EPHA6: variants seen among roughly 807,000 people sequenced by gnomAD.
EPHA6 encodes the protein ephrin type-A receptor 6.
Under a neutral mutation model 112.0 loss-of-function variants are expected in EPHA6, and 50 were observed. That is an observed-to-expected ratio of 0.45 (90% CI 0.36 to 0.56). The LOEUF (loss-of-function observed/expected upper bound fraction) is 0.56. Ranked by LOEUF, EPHA6 falls within the 20% of genes least tolerant of loss-of-function variation. The pLI, the probability that EPHA6 is intolerant of heterozygous loss-of-function variation, is 0.00. For missense variants in EPHA6, 1,280 were observed against 1,417.4 expected (o/e 0.90, Z 1.56); for synonymous variants, 529 against 490.7 (o/e 1.08, Z -1.03).
In EPHA6 at chr3:97,284,225, G is replaced by A. The variant is rs187023519; in HGVS notation, c.1606+39938G>A. ...ATAGTCAATACTTCTTTCTAAACTA[G>A]ATATTTGATTCTTATTGTTTTACTA... On this transcript the variant is annotated intron_variant, in intron 5 of 17. Transcript: ENST00000389672. 2.0e-3 allele frequency among the ~76,000 whole-genome samples: 298 copies of A among 152,156 alleles called. 1 individual carries two copies. Among genetic ancestry groups the A allele is most frequent in the Middle Eastern group, 6.8e-3 (2 of 292 alleles).
intron 11 of EPHA6, among the ~76,000 whole-genome samples, chr3:97,559,407 A>T (rs1400472686): frequency 6.6e-6 from 1 of 152,026 alleles, no homozygotes; most frequent in Non-Finnish European, 1.5e-5. Context: ...CCAGAAAGGC[A>T]GGACATACAG....
chr3:96,846,692 A>G (rs1416430307), intron 1 of EPHA6, among the ~76,000 whole-genome samples: 1 of 152,058 alleles, frequency 6.6e-6, no homozygotes, highest in East Asian at 1.9e-4. Context: ...AAAAAAATGA[A>G]CTTAGAATAA....
intron 6 of EPHA6, chr3:97,441,400 TA>T: frequency 1.0e-6 from 1 of 952,954 alleles, no homozygotes; most frequent in Non-Finnish European, 1.2e-6. Flanking sequence ...TTTCACATTT[TA>T]AAAACAAAAT....
intron 11 of EPHA6, among the ~76,000 whole-genome samples, chr3:97,570,142 T>C (rs2093317864): frequency 6.6e-6 from 1 of 152,210 alleles, no homozygotes; most frequent in Non-Finnish European, 1.5e-5. Context: ...CTACATACAA[T>C]TTTGTTTTAC....
At chr3:97,207,474 A>G (rs1416887391) in intron 3 of EPHA6, among the ~76,000 whole-genome samples, 1 of 152,168 alleles carries the variant, frequency 6.6e-6, no homozygotes, top group African/African-American at 2.4e-5. Context: ...AACAGAGAGG[A>G]GAGACAAGTT....
intron 13 of EPHA6, among the ~76,000 whole-genome samples, chr3:97,627,616 A>G (rs181165133): frequency 2.0e-5 from 3 of 151,998 alleles, no homozygotes; most frequent in Admixed American, 1.3e-4. Flanking sequence ...TATGCATGTT[A>G]TCCCTTCACA....
chr3:97,451,295 A>G (rs2090521292), intron 7 of EPHA6, among the ~76,000 whole-genome samples: 1 of 151,978 alleles, frequency 6.6e-6, no homozygotes, highest in African/African-American at 2.4e-5. Context: ...AATTCTGACA[A>G]GATTATGCCT....
At chr3:96,845,454 T>C (rs926793843) in intron 1 of EPHA6, among the ~76,000 whole-genome samples, 3 of 152,018 alleles carry the variant, frequency 2.0e-5, no homozygotes, top group Non-Finnish European at 4.4e-5. Flanking sequence ...GTAACTCTGA[T>C]GATGCCTCGC....
intron 13 of EPHA6, among the ~76,000 whole-genome samples, chr3:97,623,032 A>C (rs1576110405): frequency 6.6e-6 from 1 of 151,658 alleles, no homozygotes; most frequent in Non-Finnish European, 1.5e-5. Context: ...ATTTACAAGC[A>C]TTTTCTCCCA....
intron 1 of EPHA6, among the ~76,000 whole-genome samples, chr3:96,847,734 C>A (rs545343801): frequency 6.6e-6 from 1 of 151,970 alleles, no homozygotes; most frequent in South Asian, 2.1e-4. Context: ...TACTTTGGAA[C>A]GGTACAATTT....
At chr3:97,642,911 C>A (rs1203107472) in intron 14 of EPHA6, among the ~76,000 whole-genome samples, 2 of 146,528 alleles carry the variant, frequency 1.4e-5, no homozygotes, top group Non-Finnish European at 3.0e-5. Flanking sequence ...GCAAGGCAGG[C>A]CAACGTTCAG....
At chr3:97,572,263 G>A (rs181011227) in intron 11 of EPHA6, among the ~76,000 whole-genome samples, 70 of 145,044 alleles carry the variant, frequency 4.8e-4, no homozygotes, top group African/African-American at 1.5e-3. Context: ...CCATTCTCCC[G>A]CCTCAGCCTC....
At chr3:97,012,038 TTTTC>T (rs1356104830) in intron 3 of EPHA6, among the ~76,000 whole-genome samples, 1 of 152,202 alleles carries the variant, frequency 6.6e-6, no homozygotes, top group Admixed American at 6.5e-5. Flanking sequence ...ATATACCATA[TTTTC>T]TTTATCTGCT....
chr3:96,833,074 T>C (rs1323488913), intron 1 of EPHA6, among the ~76,000 whole-genome samples: 1 of 151,486 alleles, frequency 6.6e-6, no homozygotes, highest in African/African-American at 2.4e-5. Flanking sequence ...CCTCTCAAAA[T>C]TCGTATGTTG....
chr3:97,748,447 T>G (rs539153227), intron 17 of EPHA6, 140 bp from the exon 18 acceptor site: 2 of 588,448 alleles, frequency 3.4e-6, no homozygotes. Context: ...TGTGGCAGAG[T>G]GCTTATTTAA....
At chr3:97,310,644 C>T (rs1345459456) in intron 5 of EPHA6, among the ~76,000 whole-genome samples, 1 of 151,510 alleles carries the variant, frequency 6.6e-6, no homozygotes, top group Admixed American at 6.6e-5. Context: ...AGAGAAAGAG[C>T]ATTGACATAC....
intron 3 of EPHA6, among the ~76,000 whole-genome samples, chr3:97,038,121 T>C (rs2045176759): frequency 6.6e-6 from 1 of 152,142 alleles, no homozygotes; most frequent in Non-Finnish European, 1.5e-5. Context: ...AATTGGGATA[T>C]CCTTCATGTT....
chr3:97,560,378 T>C (rs181633997), intron 11 of EPHA6: 9 of 151,972 alleles, frequency 5.9e-5, no homozygotes, highest in African/African-American at 2.2e-4. Flanking sequence ...AACTAGAGCA[T>C]CTAAAGGTAG....
intron 3 of EPHA6, among the ~76,000 whole-genome samples, chr3:97,208,392 T>G (rs2077770314): frequency 6.6e-6 from 1 of 152,056 alleles, no homozygotes; most frequent in Non-Finnish European, 1.5e-5. Context: ...CAATAAATAA[T>G]ACAAAATAAA....
Sources: gnomAD v4.1 joint callset for allele counts (sites outside exome capture counted in the v4.1 genomes callset) on GRCh38, gnomAD v4.1.1 for gene constraint, MANE v1.5 for transcripts, NCBI Gene and HGNC (gene_info 2026-07-23, HGNC 2026-07-21) for gene names.